Variants in UBE3C observed in about 807,000 individuals in gnomAD.
The protein encoded by UBE3C is ubiquitin-protein ligase E3C.
A neutral mutation model predicts 129.4 loss-of-function variants in UBE3C; 42 were observed. The observed-to-expected ratio is 0.32, with a 90% confidence interval of 0.25 to 0.42. The LOEUF is 0.42. UBE3C is among the 10% of genes least tolerant of loss of function. UBE3C has a pLI of 1.00. For missense variants in UBE3C, 1,049 were observed against 1,319.1 expected (o/e 0.80, Z 3.17); for synonymous variants, 510 against 492.4 (o/e 1.04, Z -0.47).
chr7:157,184,200 C>G (rs967858853), intron 9 of UBE3C, among the ~76,000 whole-genome samples, 171 bp downstream of exon 9: 11 of 152,178 alleles, frequency 7.2e-5, no homozygotes, highest in Non-Finnish European at 1.2e-4. Context: ...GAAAGTCTCT[C>G]CCACCGCTTT....
At chr7:157,212,316 G>T (rs1351709524) in intron 13 of UBE3C, among the ~76,000 whole-genome samples, 2 of 152,136 alleles carry the variant, frequency 1.3e-5, no homozygotes, top group South Asian at 2.1e-4. Context: ...TAGTCTTTCA[G>T]TTGCCCTTCA....
At chr7:157,256,742 C>G in intron 21 of UBE3C, 172 bp from the exon 22 acceptor site, 1 of 701,146 alleles carries the variant, frequency 1.4e-6, no homozygotes, top group Non-Finnish European at 2.4e-6. Flanking sequence ...CTCTAGAGAT[C>G]ATGGAAGTGC....
At position 157,189,962 on chromosome 7, in the gene UBE3C, A is replaced by G. The variant is rs1808911937; in HGVS notation, c.1331+2941A>G. 2.6e-5 allele frequency among the ~76,000 whole-genome samples: 4 copies of G among 152,014 alleles called. No individual in the cohort carries two copies. The South Asian group carries it at 6.2e-4, about 24-fold the overall frequency. ...ATTACGGGCACCCATCACCATGCCC[A>G]GCTAATTTTTGTATTTTTAGTAGAG... On this transcript the variant is annotated intron_variant, in intron 10 of 22. Coordinates refer to ENST00000348165, the MANE Select transcript of UBE3C (RefSeq NM_014671.3).
intron 1 of UBE3C, among the ~76,000 whole-genome samples, chr7:157,150,767 G>T (rs371216712): frequency 6.6e-6 from 1 of 152,240 alleles, no homozygotes; most frequent in Non-Finnish European, 1.5e-5. Flanking sequence ...GAACAGTAAA[G>T]ATAGCTAGTT....
intron 1 of UBE3C, among the ~76,000 whole-genome samples, chr7:157,140,925 C>T (rs1807427846): frequency 6.6e-6 from 1 of 152,264 alleles, no homozygotes; most frequent in African/African-American, 2.4e-5. Context: ...TAAAGAGATC[C>T]TTGTGCAAGT....
chr7:157,146,264 C>T (rs1199996393), intron 1 of UBE3C, among the ~76,000 whole-genome samples: 2 of 151,150 alleles, frequency 1.3e-5, no homozygotes, highest in African/African-American at 2.4e-5. Context: ...TTTTTTGAGA[C>T]GAAGTCTCGC....
At chr7:157,217,454 T>C (rs1795614402) in intron 14 of UBE3C, among the ~76,000 whole-genome samples, 1 of 151,938 alleles carries the variant, frequency 6.6e-6, no homozygotes, top group Non-Finnish European at 1.5e-5. Context: ...ACCAGTCCTT[T>C]ATCCTTGATT....
intron 1 of UBE3C, among the ~76,000 whole-genome samples, chr7:157,156,728 A>C (rs1378450507): frequency 1.3e-5 from 2 of 151,964 alleles, no homozygotes; most frequent in African/African-American, 4.8e-5. Flanking sequence ...AAAAAAAAAA[A>C]AACACAAGCT....
chr7:157,174,030 G>C (rs1454900753), intron 4 of UBE3C, among the ~76,000 whole-genome samples: 2 of 152,182 alleles, frequency 1.3e-5, no homozygotes, highest in Non-Finnish European at 2.9e-5. Context: ...TATAGGCAAA[G>C]ACAAGGCTAT....
chr7:157,158,817 T>G (rs969056649), intron 1 of UBE3C, among the ~76,000 whole-genome samples: 9 of 152,322 alleles, frequency 5.9e-5, no homozygotes, highest in South Asian at 2.1e-4. Context: ...TATTGTTGAT[T>G]TTATGACAAA....
At chr7:157,213,870 T>TA (rs1261892183) in intron 13 of UBE3C, among the ~76,000 whole-genome samples, 6 of 152,188 alleles carry the variant, frequency 3.9e-5, no homozygotes, top group Non-Finnish European at 1.5e-5. Flanking sequence ...ACAATTACTT[T>TA]AAAAAATGTA....
At chr7:157,157,429 C>T (rs1022938409) in intron 1 of UBE3C, among the ~76,000 whole-genome samples, 1 of 151,968 alleles carries the variant, frequency 6.6e-6, no homozygotes, top group Middle Eastern at 3.2e-3. Context: ...TTAAATGATT[C>T]AAACTGTGGA....
chr7:157,197,770 T>C, intron 10 of UBE3C: 1 of 1,612,996 alleles, frequency 6.2e-7, no homozygotes, highest in East Asian at 2.2e-5. Flanking sequence ...ATCCTGTGTG[T>C]ACTATTGAAT....
At chr7:157,245,698 G>A (rs909317511) in intron 18 of UBE3C, among the ~76,000 whole-genome samples, 5 of 152,168 alleles carry the variant, frequency 3.3e-5, no homozygotes, top group Non-Finnish European at 5.9e-5. Flanking sequence ...GAGGCCAGCC[G>A]CAGTCTTCCT....
chr7:157,265,619 A>G (rs940335992), intron 22 of UBE3C, among the ~76,000 whole-genome samples: 2 of 152,238 alleles, frequency 1.3e-5, no homozygotes, highest in Non-Finnish European at 2.9e-5. Flanking sequence ...ATATAGCCTC[A>G]CCATTAATAG....
chr7:157,205,844 A>C (rs1010464499), intron 11 of UBE3C, among the ~76,000 whole-genome samples: 1 of 152,150 alleles, frequency 6.6e-6, no homozygotes, highest in African/African-American at 2.4e-5. Flanking sequence ...TCCTTTTCTC[A>C]AAGCGGTTGA....
At chr7:157,178,010 C>T (rs775137807) in intron 5 of UBE3C, among the ~76,000 whole-genome samples, 10 of 149,512 alleles carry the variant, frequency 6.7e-5, no homozygotes, top group African/African-American at 1.2e-4. Flanking sequence ...AAAATAAGTT[C>T]GGTGTTAGAC....
intron 18 of UBE3C, 96 bp downstream of exon 18, chr7:157,231,423 T>C: frequency 6.6e-7 from 1 of 1,525,984 alleles, no homozygotes; most frequent in Non-Finnish European, 8.8e-7. Context: ...CATAAAATAC[T>C]GTTTGTTTTA....
intron 21 of UBE3C, among the ~76,000 whole-genome samples, chr7:157,256,296 C>A (rs1446770769): frequency 1.3e-5 from 2 of 152,118 alleles, no homozygotes; most frequent in Non-Finnish European, 2.9e-5. Context: ...GTGCGCGCCA[C>A]AACATCCAGC....
Sources: allele counts gnomAD v4.1 joint callset (sites outside exome capture counted in the v4.1 genomes callset), GRCh38; gene constraint gnomAD v4.1.1; transcripts MANE v1.5; gene names NCBI Gene and HGNC (gene_info 2026-07-23, HGNC 2026-07-21).